The following TECR variants were observed in gnomAD, a reference collection of about 807,000 sequenced individuals.
The protein encoded by TECR is very-long-chain enoyl-CoA reductase.
Under a neutral mutation model 50.6 loss-of-function variants are expected in TECR, and 19 were observed. The ratio of observed to expected loss-of-function variants is 0.38; its 90% CI spans 0.26 to 0.55. The LOEUF is 0.55. Among genes scored for constraint, TECR ranks in the 20% least tolerant of loss-of-function variants. The pLI is 0.79. For synonymous variants in TECR, 168 were observed against 163.5 expected (o/e 1.03, Z -0.21); for missense variants, 313 against 408.3 (o/e 0.77, Z 2.01).
intron 1 of TECR, chr19:14,545,028 C>G: frequency 2.2e-6 from 1 of 453,470 alleles, no homozygotes; most frequent in Non-Finnish European, 4.4e-6. Flanking sequence ...GTCCAAGCAC[C>G]TGAGTCTCTG....
At chr19:14,541,340 T>C (rs2073090664) in intron 1 of TECR, among the ~76,000 whole-genome samples, 1 of 152,196 alleles carries the variant, frequency 6.6e-6, no homozygotes, top group Non-Finnish European at 1.5e-5. Context: ...GTGGCTGTCC[T>C]GTTCCCCATC....
chr19:14,563,832 C>T lies in TECR; in HGVS notation c.196C>T (p.Gln66Ter). The change falls in exon 5 of 13, where the codon CAG (glutamine) becomes TAG (stop). Residue 66 changes from glutamine (Q) to a stop codon, truncating the protein, a stop_gained. Transcript: ENST00000215567. LOFTEE classifies it high-confidence loss of function. The surrounding 1 kb of genome is among the most constrained non-coding windows in gnomAD (Gnocchi z 5.3). ...GKSLKDEDVL[Q>*]KLPVGTTATL... ...GTCCCTGAAGGATGAGGATGTTCTG[C>T]AGAAGCTGCCCGTGGGCACCACGGC... 6.2e-7 allele frequency: 1 copy of T among 1,613,944 alleles called. No homozygotes were observed. The highest frequency in any genetic ancestry group is 8.5e-7 in the Non-Finnish European group (1 of 1,179,938).
Position 14,565,214 on chromosome 19 carries a change from G to C in TECR, c.677G>C (p.Arg226Pro). 1 of 1,613,988 alleles carries C rather than the reference G, an allele frequency of 6.2e-7. No individual in the cohort carries two copies. Among genetic ancestry groups the C allele is most frequent in the Non-Finnish European group, 8.5e-7 (1 of 1,180,006 alleles). ...TCCTGCCTGCCAGGGTCCAAGACGC[G>C]GAAGATCCCATACCCCACCAAGAAC... is the stretch of plus-strand genomic sequence containing the variant. ...RDLRPAGSKT[R>P]KIPYPTKNPF... is the part of the protein sequence containing the mutation. Residue 226 changes from arginine to proline, a missense_variant, in exon 11 of 13, where the codon CGG (arginine) becomes CCG (proline). Arg to Pro is a moderately radical substitution (Grantham distance 103). Coordinates refer to ENST00000215567, the MANE Select transcript of TECR (RefSeq NM_138501.6).
chr19:14,551,308 C>T (rs1051393313), intron 1 of TECR, among the ~76,000 whole-genome samples: 3 of 152,144 alleles, frequency 2.0e-5, no homozygotes, highest in South Asian at 2.1e-4. Flanking sequence ...CTCCTGACCT[C>T]AGGTGATCCA....
intron 1 of TECR, among the ~76,000 whole-genome samples, chr19:14,548,565 C>G (rs2146595095): frequency 6.6e-6 from 1 of 152,250 alleles, no homozygotes; most frequent in South Asian, 2.1e-4. Flanking sequence ...TGCAGCACTG[C>G]TCATCTCTGT....
chr19:14,540,243 T>A (rs1452901997), intron 1 of TECR, among the ~76,000 whole-genome samples: 2 of 151,380 alleles, frequency 1.3e-5, no homozygotes, highest in African/African-American at 4.9e-5. Context: ...TTTTATTTTT[T>A]ATTTTTACTA....
At chr19:14,551,529 C>T (rs982079488) in intron 1 of TECR, among the ~76,000 whole-genome samples, 2 of 152,164 alleles carry the variant, frequency 1.3e-5, no homozygotes, top group African/African-American at 2.4e-5. Flanking sequence ...TGACACCGCC[C>T]CCTGTGGCAG....
At position 14,565,299 on chromosome 19, in the gene TECR, C is replaced by T. The variant is rs1191811858; in HGVS notation, c.753+9C>T. 2 of 1,612,390 alleles carry T rather than the reference C, an allele frequency of 1.2e-6. No individual in the cohort carries two copies. The highest frequency in any genetic ancestry group is 1.7e-6 in the Non-Finnish European group (2 of 1,179,710). On this transcript the variant is annotated intron_variant, in intron 11 of 12. Coordinates refer to ENST00000215567, the MANE Select transcript of TECR (RefSeq NM_138501.6). Reference sequence around the variant, plus strand: ...CCAACTACACCTACGAGGTGAGGGGCTGCCTTACCCCTCTCTGCCCTGGGA... The same window carrying T: ...CCAACTACACCTACGAGGTGAGGGGTTGCCTTACCCCTCTCTGCCCTGGGA...
At chr19:14,546,288 G>A (rs954669448) in intron 1 of TECR, among the ~76,000 whole-genome samples, 1 of 150,340 alleles carries the variant, frequency 6.7e-6, no homozygotes, top group East Asian at 1.9e-4. Flanking sequence ...TTTTTGCTCT[G>A]AGAAAACTCC....
Position 14,529,624 on chromosome 19 carries a change from G to A in TECR, c.-73G>A, listed in dbSNP as rs374570462. 17 of 1,611,392 alleles carry A rather than the reference G, an allele frequency of 1.1e-5. No individual in the cohort carries two copies. In the African/African-American group the frequency reaches 1.5e-4, roughly 14 times the overall value. ...GTCTATCGCTGCGGTTGCGAGCGCT[G>A]TAGGGAGCCTGTGCTGTGCCGCGCA... is the stretch of plus-strand genomic sequence containing the variant. On this transcript the variant is annotated 5_prime_UTR_variant, in exon 1 of 13. Coordinates refer to ENST00000215567, the MANE Select transcript of TECR (RefSeq NM_138501.6).
chr19:14,552,507 A>G (rs371528211), intron 1 of TECR, among the ~76,000 whole-genome samples: 7 of 150,920 alleles, frequency 4.6e-5, no homozygotes, highest in African/African-American at 1.7e-4. Context: ...CAAGCCACGT[A>G]ACAGGCATCA....
At chr19:14,547,959 AT>A (rs1281716289) in intron 1 of TECR, among the ~76,000 whole-genome samples, 1 of 134,866 alleles carries the variant, frequency 7.4e-6, no homozygotes, top group Non-Finnish European at 1.6e-5. Flanking sequence ...TTTAATGGGC[AT>A]TTCTTTTTTT....
intron 1 of TECR, among the ~76,000 whole-genome samples, chr19:14,549,794 T>C (rs2073430753): frequency 6.6e-6 from 1 of 151,906 alleles, no homozygotes; most frequent in African/African-American, 2.4e-5. Context: ...AATACAAAAA[T>C]TAGCTGGGCA....
intron 1 of TECR, among the ~76,000 whole-genome samples, chr19:14,538,229 G>A (rs138859388): frequency 1.3e-5 from 2 of 152,274 alleles, no homozygotes; most frequent in East Asian, 1.9e-4. Context: ...GCTGTGGGTC[G>A]TGCACTGGGG....
chr19:14,539,329 C>G (rs1279701100), intron 1 of TECR, among the ~76,000 whole-genome samples: 1 of 151,970 alleles, frequency 6.6e-6, no homozygotes, highest in Non-Finnish European at 1.5e-5. Context: ...CTCTTTCCTT[C>G]TTCATGGGAA....
chr19:14,550,520 GGA>G (rs938099177), intron 1 of TECR, among the ~76,000 whole-genome samples: 1 of 152,092 alleles, frequency 6.6e-6, no homozygotes, highest in African/African-American at 2.4e-5. Context: ...GCCCTGAGTT[GGA>G]GAGAGACCCA....
intron 1 of TECR, among the ~76,000 whole-genome samples, chr19:14,559,486 C>G (rs2073840774): frequency 6.6e-6 from 1 of 152,070 alleles, no homozygotes; most frequent in African/African-American, 2.4e-5. Context: ...ATTTAACTTT[C>G]TTACTTAGAA....
intron 2 of TECR, 37 bp downstream of exon 2, chr19:14,562,612 A>T (rs758905023): frequency 5.8e-5 from 93 of 1,611,346 alleles, no homozygotes; most frequent in Middle Eastern, 1.7e-4. Flanking sequence ...GGCCAAGGGC[A>T]CTGGGCCCGG....
At chr19:14,544,858 C>T (rs193098284) in intron 1 of TECR, among the ~76,000 whole-genome samples, 54 of 152,220 alleles carry the variant, frequency 3.5e-4, no homozygotes, top group East Asian at 1.7e-3. Flanking sequence ...GTCTTGAACT[C>T]ATGGGCTCCA....
Sources: gnomAD v4.1 joint callset for allele counts (sites outside exome capture counted in the v4.1 genomes callset) on GRCh38, gnomAD v4.1.1 for gene constraint, Gnocchi (gnomAD v3.1) non-coding constraint, MANE v1.5 for transcripts, NCBI Gene and HGNC (gene_info 2026-07-23, HGNC 2026-07-21) for gene names.